SCG5: variants seen among roughly 807,000 people sequenced by gnomAD.
The protein encoded by SCG5 is neuroendocrine protein 7B2.
A neutral mutation model predicts 25.7 loss-of-function variants in SCG5; 18 were observed. That is an observed-to-expected ratio of 0.70 (90% CI 0.48 to 1.04). The LOEUF (loss-of-function observed/expected upper bound fraction) is 1.04, where lower values mean the gene tolerates loss of function less well. Ranked by LOEUF, SCG5 falls within the 50% of genes least tolerant of loss-of-function variation. The pLI, the probability that SCG5 is intolerant of heterozygous loss-of-function variation, is 0.00. For synonymous variants in SCG5, 101 were observed against 91.7 expected, an observed-to-expected ratio of 1.10 and a Z score of -0.58; for missense variants, 206 against 259.8, an observed-to-expected ratio of 0.79 and a Z score of 1.42.
intron 2 of SCG5, among the ~76,000 whole-genome samples, chr15:32,673,526 C>CTGTGTGTG (rs1259701973): frequency 3.6e-5 from 1 of 27,856 alleles, no homozygotes; most frequent in Non-Finnish European, 6.7e-5. Flanking sequence ...GATAAGATCC[C>CTGTGTGTG]CGTGTGTGTG....
At chr15:32,653,331 A>C (rs1342806820) in intron 2 of SCG5, among the ~76,000 whole-genome samples, 4 of 152,234 alleles carry the variant, frequency 2.6e-5, no homozygotes, top group African/African-American at 7.2e-5. Context: ...AAAACTAGAT[A>C]ACAACTCCTG....
chr15:32,645,365 C>T (rs1390541436), intron 2 of SCG5, among the ~76,000 whole-genome samples: 1 of 152,210 alleles, frequency 6.6e-6, no homozygotes, highest in Non-Finnish European at 1.5e-5. Context: ...ACTCCATTCC[C>T]TCCAGTATCC....
At chr15:32,682,867 A>G (rs940465093) in intron 3 of SCG5, among the ~76,000 whole-genome samples, 2 of 152,168 alleles carry the variant, frequency 1.3e-5, no homozygotes, top group Non-Finnish European at 2.9e-5. Context: ...GAGCTCAAAG[A>G]GTCCATCTCA....
At chr15:32,665,256 C>G (rs2054299263) in intron 2 of SCG5, among the ~76,000 whole-genome samples, 1 of 152,120 alleles carries the variant, frequency 6.6e-6, no homozygotes, top group South Asian at 2.1e-4. Flanking sequence ...TAATCCATGC[C>G]TCTTGTCAAG....
intron 2 of SCG5, among the ~76,000 whole-genome samples, chr15:32,647,849 G>C (rs548471055): frequency 6.6e-6 from 1 of 151,960 alleles, no homozygotes; most frequent in Non-Finnish European, 1.5e-5. Flanking sequence ...TGTTAGTTTC[G>C]TTTACAGGTT....
At chr15:32,694,226 A>G (rs1349686813) in intron 5 of SCG5, among the ~76,000 whole-genome samples, 1 of 152,090 alleles carries the variant, frequency 6.6e-6, no homozygotes, top group Non-Finnish European at 1.5e-5. Context: ...TCCTCTTTTT[A>G]CCTCCTCATT....
chr15:32,653,124 TC>T (rs962278619), intron 2 of SCG5, among the ~76,000 whole-genome samples: 1 of 152,224 alleles, frequency 6.6e-6, no homozygotes, highest in Non-Finnish European at 1.5e-5. Context: ...ATGTGAATCT[TC>T]CCCAAATAAC....
In SCG5 at chr15:32,663,071, ATATATAT is replaced by A. The variant is rs1595799536; in HGVS notation, c.227-16694_227-16688del. Among the ~76,000 whole-genome samples, 24 of 55,222 alleles carry A rather than the reference ATATATAT, an allele frequency of 4.3e-4. 1 individual carries two copies. Among genetic ancestry groups the A allele is most frequent in the Middle Eastern group, 0.011 (1 of 94 alleles). The allele number at this position is 55,222 out of a possible 152,430, so 36.2% of individuals were successfully genotyped here. On this transcript the variant is annotated intron_variant, in intron 2 of 5. Coordinates refer to ENST00000300175, the MANE Select transcript of SCG5 (RefSeq NM_001144757.3). Reference sequence around the variant, plus strand: ...TATATATATATATATATATATATATATATATATAATATATAATATGTTATATATACAC... The same window carrying A: ...TATATATATATATATATATATATATAAATATATAATATGTTATATATACAC...
chr15:32,654,104 G>A (rs2054075449), intron 2 of SCG5, among the ~76,000 whole-genome samples: 1 of 152,218 alleles, frequency 6.6e-6, no homozygotes, highest in Non-Finnish European at 1.5e-5. Flanking sequence ...TTTTACAGAT[G>A]TGGAAAAAGA....
At chr15:32,673,257 A>G (rs2054469905) in intron 2 of SCG5, 1 of 152,202 alleles carries the variant, frequency 6.6e-6, no homozygotes, top group Non-Finnish European at 1.5e-5. Flanking sequence ...CTTTATCTGA[A>G]ACTGCAGACT....
Position 32,675,009 on chromosome 15 carries a change from T to A in SCG5, c.227-4757T>A, listed in dbSNP as rs746385766. ...TTGCCATGGCAATACAAAGAAAGTC[T>A]ACCAATGATTTGATATCTAGAGCTT... On this transcript the variant is annotated intron_variant, in intron 2 of 5. Coordinates refer to ENST00000300175, the MANE Select transcript of SCG5 (RefSeq NM_001144757.3). Among the ~76,000 whole-genome samples, 10 of 152,234 alleles carry A rather than the reference T, an allele frequency of 6.6e-5. 1 individual carries two copies. The highest frequency in any genetic ancestry group is 1.3e-4 in the Admixed American group (2 of 15,284).
intron 2 of SCG5, chr15:32,666,354 G>A (rs1351723272): frequency 6.6e-6 from 1 of 152,214 alleles, no homozygotes; most frequent in Non-Finnish European, 1.5e-5. Context: ...CACTGGCTGA[G>A]GTAGGTTGGA....
intron 4 of SCG5, among the ~76,000 whole-genome samples, chr15:32,690,370 G>A (rs1005618564): frequency 1.3e-5 from 2 of 152,180 alleles, no homozygotes; most frequent in African/African-American, 2.4e-5. Context: ...CCAGCTCTTC[G>A]GATATTCTCT....
rs529718089 is a variant in SCG5 at position 32,662,173 on chromosome 15, G to A, written c.227-17593G>A. ...TCAATGAACATATTTGTGCATAAACGTTTGTGTACAGTCTTGATAAATTCT... is the reference window on the plus strand; with the variant it reads ...TCAATGAACATATTTGTGCATAAACATTTGTGTACAGTCTTGATAAATTCT... On this transcript the variant is annotated intron_variant, in intron 2 of 5. Transcript: ENST00000300175. Among the ~76,000 whole-genome samples the A allele has an allele frequency of 7.2e-5, 11 of 152,218 alleles. No individual in the cohort carries two copies. In the South Asian group the frequency reaches 8.3e-4, roughly 11 times the overall value.
At chr15:32,658,263 A>G (rs1463498098) in intron 2 of SCG5, among the ~76,000 whole-genome samples, 1 of 152,006 alleles carries the variant, frequency 6.6e-6, no homozygotes, top group Non-Finnish European at 1.5e-5. Context: ...CATCAAACTT[A>G]AAATGCATAG....
intron 2 of SCG5, among the ~76,000 whole-genome samples, chr15:32,662,197 C>A (rs1033989620): frequency 7.9e-5 from 12 of 152,036 alleles, no homozygotes; most frequent in African/African-American, 2.2e-4. Flanking sequence ...TTGATAAATT[C>A]TCTGGGGTAT....
At chr15:32,696,440 C>T in intron 5 of SCG5, 74 bp from the exon 6 acceptor site, 1 of 1,100,556 alleles carries the variant, frequency 9.1e-7, no homozygotes, top group South Asian at 1.4e-5. Context: ...TTGTTCATTT[C>T]TTTTCTGAGA....
At chr15:32,661,385 C>T (rs919898490) in intron 2 of SCG5, among the ~76,000 whole-genome samples, 55 of 152,182 alleles carry the variant, frequency 3.6e-4, no homozygotes, top group African/African-American at 1.1e-3. Context: ...TTTGGGAGGC[C>T]GAGGCGGGCG....
chr15:32,677,446 A>G (rs946589806), intron 2 of SCG5: 2 of 152,186 alleles, frequency 1.3e-5, no homozygotes, highest in African/African-American at 2.4e-5. Flanking sequence ...CCAATGGGGG[A>G]AAAAAGTGTG....
Sources: gnomAD v4.1 joint callset for allele counts (sites outside exome capture counted in the v4.1 genomes callset) on GRCh38, gnomAD v4.1.1 for gene constraint, MANE v1.5 for transcripts, NCBI Gene and HGNC (gene_info 2026-07-23, HGNC 2026-07-21) for gene names.